The following LOXHD1 variants were observed in gnomAD, a reference collection of about 807,000 sequenced individuals.
LOXHD1 encodes lipoxygenase homology PLAT domains 1, also known as lipoxygenase homology domain-containing protein 1.
In LOXHD1, 205 loss-of-function variants were observed where a neutral mutation model predicts 248.2. That is an observed-to-expected ratio of 0.83 (90% CI 0.74 to 0.93). The LOEUF is 0.93. Among genes scored for constraint, LOXHD1 ranks in the 40% least tolerant of loss-of-function variants. LOXHD1 has a pLI of 0.00. For missense variants in LOXHD1, 2,930 were observed against 2,971.6 expected (o/e 0.99, Z 0.33); for synonymous variants, 1,113 against 1,162.8 (o/e 0.96, Z 0.87).
chr18:46,509,701 C>T lies in LOXHD1; in HGVS notation c.5514G>A (p.Glu1838=), dbSNP rs749182319. The T allele has an allele frequency of 1.1e-4, 172 of 1,550,710 alleles. No individual in the cohort carries two copies. Among genetic ancestry groups the T allele is most frequent in the South Asian group, 1.8e-4 (15 of 84,062 alleles). The part of the protein sequence containing the change: ...GLGSRPEWFL[E]RILLKNMNTG... ...AGTGAGGGTCTAGACATTTTACCCT[C>T]TCCAGGAACCACTCCGGCCGACTGC... The change falls in exon 35 of 41, where the codon GAG becomes GAA. Residue 1838 remains glutamate, a synonymous_variant. Coordinates refer to ENST00000642948, the MANE Select transcript of LOXHD1 (RefSeq NM_001384474.1).
At chr18:46,624,037 G>C (rs781222455) in intron 4 of LOXHD1, among the ~76,000 whole-genome samples, 1 of 152,246 alleles carries the variant, frequency 6.6e-6, no homozygotes, top group Admixed American at 6.5e-5. Flanking sequence ...TTAGGAAGCA[G>C]AGAATCATGA....
At chr18:46,495,021 T>TTTTGG (rs2033763366) in intron 37 of LOXHD1, among the ~76,000 whole-genome samples, 1 of 150,716 alleles carries the variant, frequency 6.6e-6, no homozygotes, top group African/African-American at 2.5e-5. Context: ...GCCCGGCTTT[T>TTTTGG]TTTGTTTTGT....
chr18:46,584,239 A>T (rs919847635), intron 12 of LOXHD1, among the ~76,000 whole-genome samples: 1 of 151,966 alleles, frequency 6.6e-6, no homozygotes, highest in Non-Finnish European at 1.5e-5. Context: ...AGGAGGGGGG[A>T]GGAGAGGATG....
At chr18:46,496,368 G>T (rs777966074) in intron 37 of LOXHD1, among the ~76,000 whole-genome samples, 60 of 152,216 alleles carry the variant, frequency 3.9e-4, no homozygotes, top group Non-Finnish European at 8.1e-4. Flanking sequence ...AGGAAGAGAA[G>T]ATTGCTACAC....
intron 4 of LOXHD1, among the ~76,000 whole-genome samples, chr18:46,620,978 G>T (rs2038661345): frequency 6.6e-6 from 1 of 152,176 alleles, no homozygotes; most frequent in Admixed American, 6.5e-5. Context: ...GGGGAGACAG[G>T]CCAACTGTCA....
intron 34 of LOXHD1, among the ~76,000 whole-genome samples, chr18:46,517,142 C>T (rs796596837): frequency 3.3e-4 from 51 of 152,264 alleles, no homozygotes; most frequent in African/African-American, 1.2e-3. Flanking sequence ...AGCTTAGGAT[C>T]CGAGTCTGTC....
chr18:46,554,200 A>G (rs11082536), intron 21 of LOXHD1, among the ~76,000 whole-genome samples: 88,958 of 152,024 alleles, frequency 0.59, 27,573 homozygotes, highest in Non-Finnish European at 0.71. Flanking sequence ...GGATGAGGTC[A>G]GACTCATGCT....
chr18:46,576,032 G>T (rs575876828), intron 14 of LOXHD1, among the ~76,000 whole-genome samples: 1 of 151,972 alleles, frequency 6.6e-6, no homozygotes, highest in South Asian at 2.1e-4. Flanking sequence ...CTGCAGGCAG[G>T]CCTTTCCCAT....
intron 11 of LOXHD1, 43 bp downstream of exon 11, chr18:46,592,455 C>T: frequency 6.8e-7 from 1 of 1,471,550 alleles, no homozygotes; most frequent in Non-Finnish European, 9.3e-7. Flanking sequence ...CATCCTTGTT[C>T]CTTTCCCAAC....
chr18:46,589,035 G>A (rs1027628184), intron 12 of LOXHD1, among the ~76,000 whole-genome samples: 5 of 152,156 alleles, frequency 3.3e-5, no homozygotes, highest in Admixed American at 2.6e-4. Context: ...GGGTGGGCAT[G>A]GACCAACAAA....
rs575694302 is a variant in LOXHD1, at chr18:46,604,119, T to A, written c.870A>T (p.Gly290=). ...GKIQRDILVG[G]AETTAITYIV... is the part of the protein sequence containing the mutation. The stretch of plus-strand genomic sequence containing the variant: ...CTTCAAATCTACCTGTGGTCTCAGC[T>A]CCGCCCACTAAGATATCCCTTTGGA... The change falls in exon 7 of 41, where the codon GGA becomes GGT. Residue 290 remains glycine, a synonymous_variant. Transcript: ENST00000642948. 9.7e-6 allele frequency: 15 copies of A among 1,551,600 alleles called. No individual in the cohort carries two copies. The highest frequency in any genetic ancestry group is 2.7e-5 in the African/African-American group (2 of 73,042).
intron 6 of LOXHD1, among the ~76,000 whole-genome samples, chr18:46,606,920 C>G (rs542577656): frequency 5.9e-5 from 9 of 152,080 alleles, no homozygotes; most frequent in African/African-American, 2.2e-4. Flanking sequence ...AAACACAGCA[C>G]TTTCAGAGGT....
intron 21 of LOXHD1, among the ~76,000 whole-genome samples, chr18:46,554,243 T>C (rs2037228649): frequency 6.6e-6 from 1 of 152,070 alleles, no homozygotes; most frequent in Non-Finnish European, 1.5e-5. Flanking sequence ...GTTCTGCCAA[T>C]GGGCTGGGGA....
intron 4 of LOXHD1, among the ~76,000 whole-genome samples, chr18:46,630,684 G>A (rs1203723499): frequency 2.0e-5 from 3 of 152,126 alleles, no homozygotes; most frequent in Admixed American, 6.5e-5. Flanking sequence ...TCTCAGCCTG[G>A]GCAACTCTGC....
chr18:46,575,568 G>T (rs1340544450), intron 14 of LOXHD1, among the ~76,000 whole-genome samples: 1 of 152,198 alleles, frequency 6.6e-6, no homozygotes, highest in Non-Finnish European at 1.5e-5. Flanking sequence ...GGAAGATGCT[G>T]TGAGGAGGCG....
In LOXHD1 at chr18:46,610,801, C is replaced by T; in HGVS notation, c.734G>A (p.Gly245Asp). 1.9e-6 allele frequency: 3 copies of T among 1,551,498 alleles called. No homozygotes were observed. The highest frequency in any genetic ancestry group is 1.4e-5 in the African/African-American group (1 of 73,140). The change falls in exon 6 of 41, where the codon GGC becomes GAC. Residue 245 changes from glycine to aspartate, a missense_variant. Coordinates refer to ENST00000642948, the MANE Select transcript of LOXHD1 (RefSeq NM_001384474.1). Reference sequence around the variant, plus strand: ...CTGGGACAGGAACCAACCTGCAGAGCCCCCCTTATTGTTGTGGCCAACATT... The same window carrying T: ...CTGGGACAGGAACCAACCTGCAGAGTCCCCCTTATTGTTGTGGCCAACATT... The part of the protein sequence containing the change: ...KINVGHNNKG[G>D]SAGWFLSQIV...
chr18:46,477,083 G>C, downstream of LOXHD1: 1 of 703,666 alleles, frequency 1.4e-6, no homozygotes. Flanking sequence ...AATTAGCCTA[G>C]CTTTTTTGGG....
chr18:46,492,778 A>G (rs1298459666), intron 37 of LOXHD1, among the ~76,000 whole-genome samples: 1 of 152,238 alleles, frequency 6.6e-6, no homozygotes, highest in Non-Finnish European at 1.5e-5. Flanking sequence ...ATATCAAAAT[A>G]TAAATACGGA....
intron 29 of LOXHD1, among the ~76,000 whole-genome samples, chr18:46,527,992 C>A (rs1320564458): frequency 6.6e-6 from 1 of 152,204 alleles, no homozygotes; most frequent in Non-Finnish European, 1.5e-5. Context: ...CTTCCACAGT[C>A]TCTGACTCAC....
Sources: allele counts gnomAD v4.1 joint callset (sites outside exome capture counted in the v4.1 genomes callset), GRCh38; gene constraint gnomAD v4.1.1; transcripts MANE v1.5; gene names NCBI Gene and HGNC (gene_info 2026-07-23, HGNC 2026-07-21).